NR5A2: variants seen among roughly 807,000 people sequenced by gnomAD.
The protein encoded by NR5A2 is nuclear receptor subfamily 5 group A member 2.
A neutral mutation model predicts 62.7 loss-of-function variants in NR5A2; 26 were observed. The ratio of observed to expected loss-of-function variants is 0.41; its 90% CI spans 0.30 to 0.58. The LOEUF is 0.58. Ranked by LOEUF, NR5A2 falls within the 20% of genes least tolerant of loss-of-function variation. The pLI is 0.22. For missense variants in NR5A2, 541 were observed against 669.1 expected (o/e 0.81, Z 2.11); for synonymous variants, 246 against 241.7 (o/e 1.02, Z -0.16).
chr1:200,075,896 C>CTTTTCTTTTCT (rs762709648), intron 5 of NR5A2, among the ~76,000 whole-genome samples: 35 of 149,306 alleles, frequency 2.3e-4, no homozygotes, highest in African/African-American at 8.1e-4. Flanking sequence ...GTTTTCTTTT[C>CTTTTCTTTTCT]TTTTTTTTTT....
At position 200,121,333 on chromosome 1, in the gene NR5A2, C is replaced by T. The variant is rs16846069; in HGVS notation, c.1378+378C>T. 9.3e-3 allele frequency among the ~76,000 whole-genome samples: 1,412 copies of T among 152,270 alleles called. 26 individuals are homozygous for T. The highest frequency in any genetic ancestry group is 0.032 in the African/African-American group (1,343 of 41,544). On this transcript the variant is annotated intron_variant, in intron 7 of 7. Transcript: ENST00000367362. ...CCATTGGTAATTTCTATGTGCCTTT[C>T]GTTTCAACTTGCTATTTACTTCTGT...
intron 7 of NR5A2, among the ~76,000 whole-genome samples, chr1:200,159,848 T>TC (rs1346389490): frequency 6.6e-6 from 1 of 152,130 alleles, no homozygotes; most frequent in East Asian, 1.9e-4. Flanking sequence ...AGACGGGGTT[T>TC]CACCATGTTG....
In NR5A2 at chr1:200,072,426, G is replaced by A. The variant is rs577723615; in HGVS notation, c.1110+23608G>A. On this transcript the variant is annotated intron_variant, in intron 5 of 7. Transcript: ENST00000367362. ...AAATTTGAATGATTTGAGAATGCAT[G>A]ATTTACCTCATAATGTGACACCCTT... Among the ~76,000 whole-genome samples, 3 of 152,272 alleles carry A rather than the reference G, an allele frequency of 2.0e-5. No homozygotes were observed. The East Asian group carries it at 5.8e-4, about 29-fold the overall frequency.
At chr1:200,155,714 C>T (rs1450977788) in intron 7 of NR5A2, among the ~76,000 whole-genome samples, 1 of 151,408 alleles carries the variant, frequency 6.6e-6, no homozygotes, top group African/African-American at 2.4e-5. Context: ...CACTCTGTCA[C>T]CCAGGCTGGA....
intron 7 of NR5A2, among the ~76,000 whole-genome samples, chr1:200,135,532 A>AAG (rs1553276564): frequency 2.2e-5 from 3 of 138,624 alleles, no homozygotes; most frequent in African/African-American, 8.6e-5. Context: ...AAAAAAAAAA[A>AAG]AAGAAGAAGA....
intron 5 of NR5A2, among the ~76,000 whole-genome samples, chr1:200,052,291 T>C (rs1662674001): frequency 6.6e-6 from 1 of 152,220 alleles, no homozygotes. Flanking sequence ...TATCTTTCTG[T>C]AAAGGTTGTA....
At chr1:200,153,741 C>T (rs1653242570) in intron 7 of NR5A2, among the ~76,000 whole-genome samples, 1 of 151,432 alleles carries the variant, frequency 6.6e-6, no homozygotes, top group African/African-American at 2.4e-5. Context: ...TGAGCAAGTA[C>T]TTACTTTGTT....
chr1:200,095,129 GAAAA>G lies in NR5A2; in HGVS notation c.1111-16062_1111-16059del, dbSNP rs5780009. Among the ~76,000 whole-genome samples the G allele has an allele frequency of 8.3e-3, 1,232 of 147,986 alleles. 11 individuals carry two copies. The highest frequency in any genetic ancestry group is 0.025 in the African/African-American group (995 of 40,338). On this transcript the variant is annotated intron_variant, in intron 5 of 7. Transcript: ENST00000367362. Reference sequence around the variant, plus strand: ...CATCTGACCTCCTTTTTAATAAAAAGAAAAAAAAAAAAAAGATCTCACTGTTTCC... The same window carrying G: ...CATCTGACCTCCTTTTTAATAAAAAGAAAAAAAAAAGATCTCACTGTTTCC...
intron 7 of NR5A2, among the ~76,000 whole-genome samples, chr1:200,159,616 A>T (rs1042753241): frequency 6.6e-6 from 1 of 151,348 alleles, no homozygotes; most frequent in African/African-American, 2.4e-5. Flanking sequence ...CAACATTTTC[A>T]TTTTGAAAAG....
intron 7 of NR5A2, among the ~76,000 whole-genome samples, chr1:200,142,252 T>C (rs1667478001): frequency 7.1e-6 from 1 of 140,342 alleles, no homozygotes; most frequent in Non-Finnish European, 1.5e-5. Flanking sequence ...CAGGCTAGAG[T>C]GCAGTGACAC....
chr1:200,035,474 T>G (rs1386583260), intron 1 of NR5A2, among the ~76,000 whole-genome samples: 2 of 152,072 alleles, frequency 1.3e-5, no homozygotes, highest in Non-Finnish European at 2.9e-5. Context: ...GACCAACACT[T>G]TCCAGGTCAG....
Position 200,036,744 on chromosome 1 carries a change from G to GC in NR5A2, c.65-2913dup, listed in dbSNP as rs556305637. On this transcript the variant is annotated intron_variant, in intron 1 of 7. Transcript: ENST00000367362. ...GAGTTAAAGGCCTGGAGCGCCGAGG[G>GC]CTTAGGCTTCTGAGCTAGGAGTTCC... is the stretch of plus-strand genomic sequence containing the variant. Among the ~76,000 whole-genome samples the GC allele has an allele frequency of 2.8e-4, 42 of 152,302 alleles. No homozygotes were observed. The South Asian group carries it at 4.8e-3, about 17-fold the overall frequency.
chr1:200,053,580 C>CACACAT (rs1553266391), intron 5 of NR5A2, among the ~76,000 whole-genome samples: 2 of 150,740 alleles, frequency 1.3e-5, no homozygotes, highest in Non-Finnish European at 3.0e-5. Context: ...CACACACACA[C>CACACAT]ACACACACAC....
At chr1:200,063,281 C>T (rs998733245) in intron 5 of NR5A2, among the ~76,000 whole-genome samples, 2 of 152,144 alleles carry the variant, frequency 1.3e-5, no homozygotes, top group Non-Finnish European at 2.9e-5. Flanking sequence ...CCCTCGGCCT[C>T]GCAAAGTGCT....
chr1:200,051,806 G>C lies in NR5A2; in HGVS notation c.1110+2988G>C, dbSNP rs139862227. Among the ~76,000 whole-genome samples the C allele has an allele frequency of 6.6e-3, 1,002 of 152,256 alleles. 10 individuals are homozygous for C. The highest frequency in any genetic ancestry group is 0.023 in the African/African-American group (963 of 41,532). Reference sequence around the variant, plus strand: ...TGTCAGAAAGCAAACCAACTCATTTGAAGCCAGGATTGAGACATCTCTAGG... The same window carrying C: ...TGTCAGAAAGCAAACCAACTCATTTCAAGCCAGGATTGAGACATCTCTAGG... On this transcript the variant is annotated intron_variant, in intron 5 of 7. Transcript: ENST00000367362.
At chr1:200,106,750 ACT>A (rs796340359) in intron 5 of NR5A2, among the ~76,000 whole-genome samples, 7 of 152,122 alleles carry the variant, frequency 4.6e-5, no homozygotes, top group African/African-American at 1.2e-4. Context: ...CACCCCCATA[ACT>A]CTGTTTTTCT....
intron 4 of NR5A2, among the ~76,000 whole-genome samples, chr1:200,046,386 C>T (rs1662364479): frequency 6.6e-6 from 1 of 152,108 alleles, no homozygotes; most frequent in Admixed American, 6.6e-5. Context: ...TAGCCTCTGA[C>T]CTGCTTGCTT....
At chr1:200,113,977 T>A (rs1162113536) in intron 6 of NR5A2, among the ~76,000 whole-genome samples, 1 of 152,110 alleles carries the variant, frequency 6.6e-6, no homozygotes, top group Admixed American at 6.5e-5. Flanking sequence ...GGTCAGGGGT[T>A]CGAGACCAGC....
intron 5 of NR5A2, chr1:200,058,533 T>C (rs961603764): frequency 6.6e-6 from 1 of 151,966 alleles, no homozygotes; most frequent in Non-Finnish European, 1.5e-5. Flanking sequence ...CGGGCTGGAA[T>C]GCAGTGTCGC....
Sources: gnomAD v4.1 joint callset for allele counts (sites outside exome capture counted in the v4.1 genomes callset) on GRCh38, gnomAD v4.1.1 for gene constraint, MANE v1.5 for transcripts, NCBI Gene and HGNC (gene_info 2026-07-23, HGNC 2026-07-21) for gene names.